ZNF469: variants seen among roughly 807,000 people sequenced by gnomAD.
ZNF469 encodes zinc finger protein 469.
ZNF469 carries 1 observed loss-of-function variant against 1.0 expected under a neutral mutation model. The observed-to-expected ratio is 1.00, with a 90% confidence interval of 0.35 to 4.73. The LOEUF is 4.73. Ranked by LOEUF, ZNF469 falls within the 30% of genes most tolerant of loss-of-function variation. The pLI, the probability that ZNF469 is intolerant of heterozygous loss-of-function variation, is 0.16. For missense variants in ZNF469, 6,100 were observed against 5,356.3 expected (o/e 1.14, Z -4.33); for synonymous variants, 2,703 against 2,363.4 (o/e 1.14, Z -4.17).
the ZNF469 span, among the ~76,000 whole-genome samples, chr16:88,331,327 C>T: frequency 6.6e-6 from 1 of 150,844 alleles, no homozygotes; most frequent in Non-Finnish European, 1.5e-5. Context: ...GTTACCATGA[C>T]CATCACCACC....
chr16:88,126,755 G>C, the ZNF469 span, among the ~76,000 whole-genome samples: 3 of 152,052 alleles, frequency 2.0e-5, no homozygotes, highest in Non-Finnish European at 2.9e-5. Flanking sequence ...CCGGGTTCAA[G>C]CAATTCTCCT....
At chr16:88,263,854 G>A in the ZNF469 span, among the ~76,000 whole-genome samples, 13 of 152,044 alleles carry the variant, frequency 8.6e-5, no homozygotes, top group South Asian at 2.1e-4. Flanking sequence ...CTGATGCGCC[G>A]GGCAGAGGCC....
chr16:88,288,271 A>G, the ZNF469 span, among the ~76,000 whole-genome samples: 1 of 149,954 alleles, frequency 6.7e-6, no homozygotes, highest in Admixed American at 6.6e-5. Context: ...GCATGCCCCC[A>G]GTAGCTTTGT....
At chr16:88,401,112 C>T (rs1448199683) in intron 1 of ZNF469, among the ~76,000 whole-genome samples, 3 of 152,098 alleles carry the variant, frequency 2.0e-5, no homozygotes, top group Admixed American at 2.0e-4. Flanking sequence ...CAGAAAAGTG[C>T]GTTCAGACCC....
chr16:88,318,111 G>T, the ZNF469 span, among the ~76,000 whole-genome samples: 1 of 152,232 alleles, frequency 6.6e-6, no homozygotes, highest in Admixed American at 6.5e-5. Flanking sequence ...CCCGTGGCTT[G>T]GGCCTCTCAG....
chr16:88,118,635 C>G, the ZNF469 span, among the ~76,000 whole-genome samples: 1 of 152,262 alleles, frequency 6.6e-6, no homozygotes, highest in African/African-American at 2.4e-5. Context: ...TCAGAGTGCG[C>G]TGATCCAGGC....
chr16:88,221,564 T>A, the ZNF469 span, among the ~76,000 whole-genome samples: 1 of 152,226 alleles, frequency 6.6e-6, no homozygotes, highest in East Asian at 1.9e-4. Flanking sequence ...TGGCTGCTCC[T>A]TGCCCCGGCT....
At chr16:88,155,622 G>A in the ZNF469 span, among the ~76,000 whole-genome samples, 1 of 152,240 alleles carries the variant, frequency 6.6e-6, no homozygotes, top group African/African-American at 2.4e-5. Context: ...CTATGTTGCA[G>A]TGTGGACCAG....
chr16:88,319,000 G>GTCCA, the ZNF469 span, among the ~76,000 whole-genome samples: 1 of 152,324 alleles, frequency 6.6e-6, no homozygotes, highest in South Asian at 2.1e-4. Context: ...GGACCAGACG[G>GTCCA]GGCACCCCAG....
At chr16:88,193,130 T>TGGG in the ZNF469 span, among the ~76,000 whole-genome samples, 1 of 36,920 alleles carries the variant, frequency 2.7e-5, no homozygotes, top group Non-Finnish European at 5.4e-5. Flanking sequence ...GTGGTGGTGG[T>TGGG]GATGGTGGTG....
At chr16:88,351,422 A>G in the ZNF469 span, among the ~76,000 whole-genome samples, 164 of 151,900 alleles carry the variant, frequency 1.1e-3, no homozygotes, top group South Asian at 2.1e-3. Context: ...CTGAGACCTT[A>G]CTCAGCCCCA....
the ZNF469 span, among the ~76,000 whole-genome samples, chr16:88,279,759 G>A: frequency 5.5e-5 from 8 of 146,412 alleles, no homozygotes; most frequent in African/African-American, 1.5e-4. Flanking sequence ...GGTCAGTACC[G>A]TGTAGATATC....
intron 1 of ZNF469, among the ~76,000 whole-genome samples, chr16:88,422,552 G>T (rs956949685): frequency 6.9e-6 from 1 of 144,444 alleles, no homozygotes; most frequent in African/African-American, 2.6e-5. Context: ...TGGATGGGGG[G>T]ATGGGCGGGT....
chr16:88,316,355 G>A, the ZNF469 span, among the ~76,000 whole-genome samples: 1 of 152,060 alleles, frequency 6.6e-6, no homozygotes, highest in Non-Finnish European at 1.5e-5. Flanking sequence ...GGGGCCAGAC[G>A]CCAGCCTTGC....
the ZNF469 span, among the ~76,000 whole-genome samples, chr16:88,268,147 C>T: frequency 2.6e-5 from 4 of 152,150 alleles, no homozygotes; most frequent in East Asian, 5.8e-4. Context: ...CAAGTCTTTT[C>T]CCTATATTTT....
intron 1 of ZNF469, among the ~76,000 whole-genome samples, chr16:88,421,282 G>A (rs1387819547): frequency 6.6e-6 from 1 of 152,164 alleles, no homozygotes; most frequent in Non-Finnish European, 1.5e-5. Context: ...GCTAAAGAGG[G>A]GCCAGTTCCT....
At chr16:88,153,394 C>T in the ZNF469 span, among the ~76,000 whole-genome samples, 1 of 152,238 alleles carries the variant, frequency 6.6e-6, no homozygotes. Flanking sequence ...TCTTCCGATG[C>T]TAACACCTTG....
chr16:88,123,099 C>T, the ZNF469 span, among the ~76,000 whole-genome samples: 13 of 152,230 alleles, frequency 8.5e-5, no homozygotes, highest in South Asian at 4.2e-4. Flanking sequence ...CATATGCTGG[C>T]GAGTATGGAC....
chr16:88,415,674 C>T (rs1181519454), intron 1 of ZNF469, among the ~76,000 whole-genome samples: 3 of 152,200 alleles, frequency 2.0e-5, no homozygotes, highest in South Asian at 2.1e-4. Context: ...GGAGAGCGCC[C>T]GGAAGTGACC....
Sources: gnomAD v4.1 joint callset for allele counts (sites outside exome capture counted in the v4.1 genomes callset) on GRCh38, gnomAD v4.1.1 for gene constraint, MANE v1.5 for transcripts, NCBI Gene and HGNC (gene_info 2026-07-23, HGNC 2026-07-21) for gene names.